Variants in COL22A1 observed in about 807,000 individuals in gnomAD.
The protein encoded by COL22A1 is collagen alpha-1(XXII) chain.
In COL22A1, 221 loss-of-function variants were observed where a neutral mutation model predicts 248.9. The observed-to-expected ratio is 0.89, with a 90% CI of 0.80 to 0.99. The LOEUF is 0.99. Among genes scored for constraint, COL22A1 ranks in the 50% least tolerant of loss-of-function variants. The pLI is 0.00. For synonymous variants in COL22A1, 891 were observed against 793.4 expected (o/e 1.12, Z -2.07); for missense variants, 2,240 against 2,179.0 (o/e 1.03, Z -0.56).
At chr8:138,778,134 T>C (rs1814644135) in intron 15 of COL22A1, 6 of 620,612 alleles carry the variant, frequency 9.7e-6, no homozygotes, top group Admixed American at 7.8e-5. Context: ...GAGAAAGGGG[T>C]CCCAGGAATA....
chr8:138,730,466 C>T (rs896798151), intron 23 of COL22A1, among the ~76,000 whole-genome samples: 1 of 152,136 alleles, frequency 6.6e-6, no homozygotes, highest in African/African-American at 2.4e-5. Context: ...CAGAAAATTA[C>T]AGCCTAGTAA....
intron 3 of COL22A1, among the ~76,000 whole-genome samples, chr8:138,856,841 C>T (rs1822068013): frequency 6.6e-6 from 1 of 152,190 alleles, no homozygotes; most frequent in Non-Finnish European, 1.5e-5. Flanking sequence ...ACATTCCTGA[C>T]AAGGAAGAGG....
intron 63 of COL22A1, among the ~76,000 whole-genome samples, chr8:138,593,447 C>T (rs1465817120): frequency 6.6e-6 from 1 of 151,834 alleles, no homozygotes; most frequent in Non-Finnish European, 1.5e-5. Flanking sequence ...TTAATCCTTC[C>T]TCTCTCTCTC....
chr8:138,768,765 GTC>G (rs1168814165), intron 16 of COL22A1, among the ~76,000 whole-genome samples: 3 of 152,012 alleles, frequency 2.0e-5, no homozygotes, highest in African/African-American at 7.3e-5. Flanking sequence ...GTGAAACCCT[GTC>G]TCTACTAAAA....
At chr8:138,649,307 G>C (rs748847236) in intron 46 of COL22A1, among the ~76,000 whole-genome samples, 7 of 152,238 alleles carry the variant, frequency 4.6e-5, no homozygotes, top group Non-Finnish European at 8.8e-5. Flanking sequence ...CTATGAGTCT[G>C]AAGTGCCTAT....
intron 5 of COL22A1, among the ~76,000 whole-genome samples, chr8:138,832,549 T>C (rs6577952): frequency 0.54 from 81,325 of 151,934 alleles, 22,689 homozygotes; most frequent in East Asian, 0.67. Context: ...AACGTTCACT[T>C]TGGATTGAAA....
intron 30 of COL22A1, among the ~76,000 whole-genome samples, chr8:138,710,614 T>G (rs13282949): frequency 7.1e-5 from 5 of 70,584 alleles, no homozygotes; most frequent in Non-Finnish European, 6.4e-5. Context: ...TATCTATATA[T>G]ATATATCTCC....
chr8:138,692,147 GTGGT>G (rs377376485), intron 35 of COL22A1, among the ~76,000 whole-genome samples: 11 of 3,214 alleles, frequency 3.4e-3, no homozygotes, highest in East Asian at 7.1e-3. Flanking sequence ...CATGTTTGTG[GTGGT>G]ATGTGTATGT....
intron 44 of COL22A1, among the ~76,000 whole-genome samples, chr8:138,657,115 G>A (rs1288260494): frequency 6.6e-6 from 1 of 152,178 alleles, no homozygotes; most frequent in Non-Finnish European, 1.5e-5. Context: ...GAGAGAGACT[G>A]GGGTTGAATT....
chr8:138,744,483 A>C (rs1045853229), intron 22 of COL22A1, among the ~76,000 whole-genome samples: 6 of 141,810 alleles, frequency 4.2e-5, no homozygotes, highest in East Asian at 2.0e-4. Flanking sequence ...CACACACACC[A>C]CACACACACA....
At chr8:138,856,045 G>C (rs1474616425) in intron 3 of COL22A1, among the ~76,000 whole-genome samples, 1 of 152,224 alleles carries the variant, frequency 6.6e-6, no homozygotes, top group Non-Finnish European at 1.5e-5. Flanking sequence ...GGGCTGGGGT[G>C]GGGGACTTGC....
chr8:138,748,732 C>T (rs1832341408), intron 22 of COL22A1, among the ~76,000 whole-genome samples: 1 of 152,208 alleles, frequency 6.6e-6, no homozygotes, highest in African/African-American at 2.4e-5. Flanking sequence ...TTGTGTTAAG[C>T]TCAGATCAGG....
At chr8:138,835,099 G>A (rs1017909777) in intron 4 of COL22A1, among the ~76,000 whole-genome samples, 3 of 152,178 alleles carry the variant, frequency 2.0e-5, no homozygotes, top group African/African-American at 2.4e-5. Flanking sequence ...GATGGTCTGG[G>A]AAGGGGGTTC....
intron 1 of COL22A1, among the ~76,000 whole-genome samples, chr8:138,898,388 T>A (rs1255028538): frequency 1.3e-5 from 2 of 151,774 alleles, no homozygotes; most frequent in African/African-American, 4.8e-5. Context: ...AAGTGATATA[T>A]CACAAATTTC....
At chr8:138,850,934 C>T (rs1821594285) in intron 3 of COL22A1, among the ~76,000 whole-genome samples, 1 of 152,184 alleles carries the variant, frequency 6.6e-6, no homozygotes, top group Non-Finnish European at 1.5e-5. Context: ...ATTTACCCAA[C>T]ACATATTTGC....
Position 138,818,726 on chromosome 8 carries a change from G to A in COL22A1, c.1245+2410C>T, listed in dbSNP as rs577256720. Among the ~76,000 whole-genome samples, 15 of 152,360 alleles carry A rather than the reference G, an allele frequency of 9.8e-5. No homozygotes were observed. The South Asian group carries it at 2.1e-3, about 21-fold the overall frequency. On this transcript the variant is annotated intron_variant, in intron 7 of 64. Transcript: ENST00000303045. ...GTAAAGGAGCACTTTAGTGCAATGCGTGGCACAGAGCCTCTGCACAAGTAG... is the reference window on the plus strand; with the variant it reads ...GTAAAGGAGCACTTTAGTGCAATGCATGGCACAGAGCCTCTGCACAAGTAG...
rs552725518 is a variant in COL22A1 at position 138,654,848 on chromosome 8, G to A, written c.3333+1049C>T. Among the ~76,000 whole-genome samples, 31 of 152,210 alleles carry A rather than the reference G, an allele frequency of 2.0e-4. No individual in the cohort carries two copies. In the South Asian group the frequency reaches 3.9e-3, roughly 19 times the overall value. On this transcript the variant is annotated intron_variant, in intron 45 of 64. Transcript: ENST00000303045. ...CAACCTCTCAGGACCTTTTCCTCTCGTGGGAAAAGCAAATGTGGTTCTAGA... is the reference window on the plus strand; with the variant it reads ...CAACCTCTCAGGACCTTTTCCTCTCATGGGAAAAGCAAATGTGGTTCTAGA...
intron 7 of COL22A1, among the ~76,000 whole-genome samples, chr8:138,813,283 T>C (rs1326111237): frequency 9.2e-6 from 1 of 109,278 alleles, no homozygotes; most frequent in East Asian, 2.5e-4. Flanking sequence ...AATTCCCATG[T>C]GTTTCGGGAG....
At chr8:138,722,514 T>C (rs1370684286) in intron 25 of COL22A1, among the ~76,000 whole-genome samples, 1 of 152,222 alleles carries the variant, frequency 6.6e-6, no homozygotes, top group African/African-American at 2.4e-5. Flanking sequence ...CCCTTCCTCT[T>C]GTCCTTCAAA....
Sources: gnomAD v4.1 joint callset for allele counts (sites outside exome capture counted in the v4.1 genomes callset) on GRCh38, gnomAD v4.1.1 for gene constraint, MANE v1.5 for transcripts, NCBI Gene and HGNC (gene_info 2026-07-23, HGNC 2026-07-21) for gene names.